Variants in FGD6 observed in about 807,000 individuals in gnomAD.
FGD6 encodes FYVE, RhoGEF and PH domain-containing protein 6.
Under a neutral mutation model 149.4 loss-of-function variants are expected in FGD6, and 90 were observed. The ratio of observed to expected loss-of-function variants is 0.60; its 90% CI spans 0.51 to 0.72. FGD6 has a LOEUF of 0.72. Among genes scored for constraint, FGD6 ranks in the 30% least tolerant of loss-of-function variants. FGD6 has a pLI of 0.00. For missense variants in FGD6, 1,437 were observed against 1,684.8 expected (o/e 0.85, Z 2.57); for synonymous variants, 527 against 584.0 (o/e 0.90, Z 1.41).
intron 7 of FGD6, 93 bp downstream of exon 7, chr12:95,137,429 T>C: frequency 8.5e-7 from 1 of 1,171,272 alleles, no homozygotes; most frequent in Non-Finnish European, 1.1e-6. Context: ...TTTTCTTTGT[T>C]TGCAAGCTTT....
intron 9 of FGD6, among the ~76,000 whole-genome samples, chr12:95,111,586 C>A (rs1211239534): frequency 6.6e-6 from 1 of 152,134 alleles, no homozygotes; most frequent in African/African-American, 2.4e-5. Context: ...CCACTCATCT[C>A]CAGTCCTACT....
intron 2 of FGD6, chr12:95,189,248 G>A (rs1881524038): frequency 6.6e-6 from 1 of 152,250 alleles, no homozygotes; most frequent in South Asian, 2.1e-4. Context: ...ACCAGGCAGA[G>A]AAGACATTAA....
At chr12:95,123,380 T>G (rs1303591345) in intron 8 of FGD6, among the ~76,000 whole-genome samples, 1 of 152,016 alleles carries the variant, frequency 6.6e-6, no homozygotes, top group East Asian at 1.9e-4. Context: ...GACACAACCC[T>G]GGTCCTGAGG....
chr12:95,081,403 G>A lies in FGD6; in HGVS notation c.*117C>T. 2 of 711,036 alleles carry A rather than the reference G, an allele frequency of 2.8e-6. No individual in the cohort carries two copies. Among genetic ancestry groups the A allele is most frequent in the Non-Finnish European group, 4.2e-6 (2 of 476,374 alleles). 44.0% of individuals were successfully genotyped at this position (711,036 alleles called of 1,614,324 possible). On this transcript the variant is annotated 3_prime_UTR_variant, in exon 21 of 21. Coordinates refer to ENST00000343958, the MANE Select transcript of FGD6 (RefSeq NM_018351.4). ...TAACAAAACAATTTCTTTGATGAAG[G>A]GTCTGGTTGGCTTTATCTTGGCAGT... is the stretch of plus-strand genomic sequence containing the variant.
chr12:95,185,324 G>A (rs746710741), intron 2 of FGD6, among the ~76,000 whole-genome samples: 1 of 152,106 alleles, frequency 6.6e-6, no homozygotes, highest in African/African-American at 2.4e-5. Context: ...GCGAGAGTCA[G>A]GGAAAATGGA....
chr12:95,199,347 CAT>C (rs1267939454), intron 2 of FGD6, among the ~76,000 whole-genome samples: 2 of 152,104 alleles, frequency 1.3e-5, no homozygotes, highest in Admixed American at 6.5e-5. Context: ...CATTAACAGA[CAT>C]ATGTTAATTT....
In FGD6 at chr12:95,208,988, T is replaced by C; in HGVS notation, c.2296A>G (p.Ile766Val). The C allele has an allele frequency of 3.1e-6, 5 of 1,614,154 alleles. No individual in the cohort carries two copies. Among genetic ancestry groups the C allele is most frequent in the Non-Finnish European group, 4.2e-6 (5 of 1,180,018 alleles). ...EIPEYENLPFIMAIRKTQELE... is the reference protein window; with the variant it reads ...EIPEYENLPFVMAIRKTQELE... ...TCTTGAGTTTTCCGTATAGCCATAA[T>C]AAATGGCAAGTTCTCGTACTCTGGT... The change falls in exon 2 of 21, where the codon ATT (isoleucine) becomes GTT (valine). Residue 766 changes from isoleucine to valine, a missense_variant. Ile to Val is a conservative substitution (Grantham distance 29, BLOSUM62 3). Coordinates refer to ENST00000343958, the MANE Select transcript of FGD6 (RefSeq NM_018351.4).
rs1269931450 is a variant in FGD6 at position 95,209,105 on chromosome 12, G to A, written c.2179C>T (p.Leu727Phe). 1.2e-6 allele frequency: 2 copies of A among 1,614,136 alleles called. No individual in the cohort carries two copies. Among genetic ancestry groups the A allele is most frequent in the Admixed American group, 3.3e-5 (2 of 60,010 alleles). ...LRAESLDDQMLSRESSSQAPY... is the reference protein window; with the variant it reads ...LRAESLDDQMFSRESSSQAPY... ...GCCTGAGATGATGACTCCCGGGAGA[G>A]CATTTGGTCATCCAAAGACTCAGCT... is the stretch of plus-strand genomic sequence containing the variant. The change falls in exon 2 of 21, where the codon CTC becomes TTC. Residue 727 changes from leucine (L) to phenylalanine (F), a missense_variant. Transcript: ENST00000343958.
At chr12:95,137,056 T>C (rs1349281462) in intron 7 of FGD6, among the ~76,000 whole-genome samples, 1 of 152,112 alleles carries the variant, frequency 6.6e-6, no homozygotes, top group Non-Finnish European at 1.5e-5. Flanking sequence ...GCAGGGTGGA[T>C]CACCTGAGGT....
intron 2 of FGD6, among the ~76,000 whole-genome samples, chr12:95,190,331 G>C (rs550272440): frequency 6.6e-6 from 1 of 151,988 alleles, no homozygotes; most frequent in Admixed American, 6.6e-5. Context: ...CACTGCGCCC[G>C]GCTACTTTTT....
At chr12:95,154,579 A>C (rs1461050681) in intron 3 of FGD6, among the ~76,000 whole-genome samples, 1 of 152,196 alleles carries the variant, frequency 6.6e-6, no homozygotes, top group Non-Finnish European at 1.5e-5. Context: ...CTAAGGTGAA[A>C]ATGATGACTG....
intron 2 of FGD6, among the ~76,000 whole-genome samples, chr12:95,199,898 C>G (rs1881828417): frequency 6.6e-6 from 1 of 152,148 alleles, no homozygotes; most frequent in Non-Finnish European, 1.5e-5. Flanking sequence ...TACATTTCTA[C>G]ACTGAAATCC....
chr12:95,198,263 G>C (rs1881779428), intron 2 of FGD6, among the ~76,000 whole-genome samples: 1 of 152,112 alleles, frequency 6.6e-6, no homozygotes, highest in Non-Finnish European at 1.5e-5. Flanking sequence ...TTATCTACAA[G>C]TTAGCTCTGT....
intron 18 of FGD6, among the ~76,000 whole-genome samples, chr12:95,087,416 T>C (rs1342721478): frequency 6.6e-6 from 1 of 152,180 alleles, no homozygotes; most frequent in East Asian, 1.9e-4. Flanking sequence ...GGAGACACTC[T>C]AGAAACTTTC....
intron 5 of FGD6, 151 bp from the exon 6 acceptor site, chr12:95,141,690 T>A (rs774214576): frequency 1.6e-5 from 12 of 772,970 alleles, no homozygotes; most frequent in Non-Finnish European, 2.4e-5. Context: ...CCCTTCCTCC[T>A]ACCCCACTCA....
intron 9 of FGD6, 109 bp from the exon 10 acceptor site, chr12:95,108,670 C>T (rs1878712203): frequency 8.1e-7 from 1 of 1,238,398 alleles, no homozygotes; most frequent in East Asian, 2.4e-5. Context: ...AGCAACCAAC[C>T]TCTGGAGGAG....
chr12:95,184,329 G>A (rs78682716), intron 2 of FGD6, among the ~76,000 whole-genome samples: 3,925 of 152,294 alleles, frequency 0.026, 109 homozygotes, highest in Middle Eastern at 0.082. Context: ...GAGCCACAGA[G>A]GGGGAGGTTA....
intron 2 of FGD6, among the ~76,000 whole-genome samples, chr12:95,177,112 G>C (rs935505951): frequency 2.6e-5 from 4 of 152,212 alleles, no homozygotes; most frequent in African/African-American, 9.6e-5. Flanking sequence ...ACAGGCATGA[G>C]CCACCATGCC....
chr12:95,106,528 C>A (rs920028445), intron 13 of FGD6, among the ~76,000 whole-genome samples: 1 of 151,880 alleles, frequency 6.6e-6, no homozygotes, highest in African/African-American at 2.4e-5. Context: ...TTGTGATCCA[C>A]CGGCCTCAGC....
Sources: gnomAD v4.1 joint callset for allele counts (sites outside exome capture counted in the v4.1 genomes callset) on GRCh38, gnomAD v4.1.1 for gene constraint, MANE v1.5 for transcripts, NCBI Gene and HGNC (gene_info 2026-07-23, HGNC 2026-07-21) for gene names.